The following URI1 variants were observed in gnomAD, a reference collection of about 807,000 sequenced individuals.
URI1 encodes the protein unconventional prefoldin RPB5 interactor 1.
URI1 carries 39 observed loss-of-function variants against 60.2 expected under a neutral mutation model. That is an observed-to-expected ratio of 0.65 (90% CI 0.50 to 0.85). URI1 has a LOEUF of 0.85. URI1 is among the 40% of genes least tolerant of loss of function. URI1 has a pLI of 0.00. For missense variants in URI1, 691 were observed against 665.9 expected (o/e 1.04, Z -0.42); for synonymous variants, 251 against 236.8 (o/e 1.06, Z -0.55).
chr19:29,957,477 A>G lies in URI1; in HGVS notation c.118-13716A>G, dbSNP rs538452081. On this transcript the variant is annotated intron_variant, in intron 1 of 10. Coordinates refer to ENST00000392271, the MANE Select transcript of URI1 (RefSeq NM_003796.3). ...TATTTGTGTGTAGCTCTGTTTCTCT[A>G]TTCTGTTCCATTGGATTATTTGCCT... is the stretch of plus-strand genomic sequence containing the variant. 3.2e-3 allele frequency among the ~76,000 whole-genome samples: 481 copies of G among 152,034 alleles called. 1 individual carries two copies. The highest frequency in any genetic ancestry group is 0.011 in the African/African-American group (467 of 41,458).
intron 2 of URI1, among the ~76,000 whole-genome samples, chr19:29,983,061 C>A (rs1568429848): frequency 6.6e-6 from 1 of 152,028 alleles, no homozygotes; most frequent in African/African-American, 2.4e-5. Flanking sequence ...GCCATTTTAT[C>A]CATATAAAAA....
chr19:29,936,295 G>T (rs1378695565), intron 1 of URI1, among the ~76,000 whole-genome samples: 2 of 151,888 alleles, frequency 1.3e-5, no homozygotes, highest in Non-Finnish European at 2.9e-5. Flanking sequence ...GTAGAATGGG[G>T]TTTCGCCATA....
chr19:29,994,211 A>C (rs753172274), intron 4 of URI1, among the ~76,000 whole-genome samples: 1 of 152,122 alleles, frequency 6.6e-6, no homozygotes, highest in South Asian at 2.1e-4. Context: ...TGCCAACCCA[A>C]TGTGTTTGCA....
In URI1 at chr19:29,985,230, G is replaced by A; in HGVS notation, c.160G>A (p.Val54Ile). ...CQERIQHWKK[V>I]DNDYNALRER... Reference sequence around the variant, plus strand: ...GGTGTTTTCTGTCAACAGGAAGAAGGTAGATAATGACTATAATGCCCTTCG... The same window carrying A: ...GGTGTTTTCTGTCAACAGGAAGAAGATAGATAATGACTATAATGCCCTTCG... Residue 54 changes from valine to isoleucine, a missense_variant, in exon 3 of 11, where the codon GTA becomes ATA. By Grantham distance (29) the Val-to-Ile change is conservative (BLOSUM62 3). Transcript: ENST00000392271. The A allele has an allele frequency of 6.4e-7, 1 of 1,565,092 alleles. No individual in the cohort carries two copies. The highest frequency in any genetic ancestry group is 8.7e-7 in the Non-Finnish European group (1 of 1,151,576).
chr19:29,984,865 T>C (rs2055643055), intron 2 of URI1, among the ~76,000 whole-genome samples: 1 of 151,940 alleles, frequency 6.6e-6, no homozygotes, highest in Non-Finnish European at 1.5e-5. Context: ...CTCACGCCTG[T>C]AACTCTAGCA....
At chr19:29,950,335 T>C (rs553283472) in intron 1 of URI1, among the ~76,000 whole-genome samples, 19 of 152,352 alleles carry the variant, frequency 1.2e-4, no homozygotes, top group African/African-American at 4.6e-4. Flanking sequence ...TTACCTGTTG[T>C]TATCATTTTT....
chr19:30,014,741 A>G (rs1171260889), intron 10 of URI1, 146 bp from the exon 11 acceptor site: 1 of 642,992 alleles, frequency 1.6e-6, no homozygotes, highest in Non-Finnish European at 2.6e-6. Flanking sequence ...TCTCTGAACA[A>G]TTAGTATTTT....
chr19:29,926,291 C>CCTACCT (rs1491264929), intron 1 of URI1, among the ~76,000 whole-genome samples: 5,955 of 126,068 alleles, frequency 0.047, 149 homozygotes, highest in East Asian at 0.15. Flanking sequence ...TTCCTACCTT[C>CCTACCT]TTTCCTTCAA....
intron 8 of URI1, 71 bp downstream of exon 8, chr19:30,009,424 G>C: frequency 1.5e-6 from 2 of 1,346,500 alleles, no homozygotes; most frequent in South Asian, 2.7e-5. Flanking sequence ...TTTTTTAGAA[G>C]AGCAATATTA....
At chr19:30,009,925 T>G (rs2055996757) in intron 8 of URI1, among the ~76,000 whole-genome samples, 1 of 152,152 alleles carries the variant, frequency 6.6e-6, no homozygotes, top group Non-Finnish European at 1.5e-5. Flanking sequence ...AAAGCTTTTC[T>G]CTAGTATGAA....
intron 1 of URI1, among the ~76,000 whole-genome samples, chr19:29,944,144 T>C (rs1342378794): frequency 9.2e-5 from 2 of 21,742 alleles, no homozygotes; most frequent in Non-Finnish European, 1.5e-4. Context: ...GTCATTCATA[T>C]ATATATATAT....
intron 1 of URI1, among the ~76,000 whole-genome samples, chr19:29,950,262 G>T (rs975778147): frequency 2.6e-5 from 4 of 152,048 alleles, no homozygotes; most frequent in Non-Finnish European, 5.9e-5. Context: ...CCAAAACACT[G>T]GGGGGAAAGG....
chr19:29,964,952 GCAAGT>G (rs1364872079), intron 1 of URI1, among the ~76,000 whole-genome samples: 2 of 151,518 alleles, frequency 1.3e-5, no homozygotes, highest in Non-Finnish European at 1.5e-5. Flanking sequence ...AACCTGTGTG[GCAAGT>G]TTGCTACTCT....
intron 1 of URI1, among the ~76,000 whole-genome samples, chr19:29,925,050 G>A (rs1005362399): frequency 3.5e-4 from 53 of 152,154 alleles, no homozygotes; most frequent in Admixed American, 3.5e-3. Flanking sequence ...TGGCCAGGCT[G>A]GTCTCGAACT....
intron 2 of URI1, among the ~76,000 whole-genome samples, chr19:29,979,326 C>T (rs1181487669): frequency 6.6e-6 from 1 of 152,076 alleles, no homozygotes; most frequent in Non-Finnish European, 1.5e-5. Flanking sequence ...TAACTAGGCA[C>T]TTTAGGATAT....
At chr19:29,940,665 C>T (rs1445818338), upstream of URI1, among the ~76,000 whole-genome samples, 1 of 152,042 alleles carries the variant, frequency 6.6e-6, no homozygotes, top group Non-Finnish European at 1.5e-5. Context: ...CAGAAGCCTC[C>T]AGGAAGTCTC....
chr19:29,934,582 C>T (rs886205245), intron 1 of URI1, among the ~76,000 whole-genome samples: 4 of 152,188 alleles, frequency 2.6e-5, no homozygotes, highest in Admixed American at 2.6e-4. Context: ...GTAGCCCAGG[C>T]TGTAGTGCAG....
At chr19:29,984,782 A>G (rs1261329322) in intron 2 of URI1, among the ~76,000 whole-genome samples, 1 of 152,146 alleles carries the variant, frequency 6.6e-6, no homozygotes, top group Non-Finnish European at 1.5e-5. Context: ...TGCTGGGATT[A>G]CAGGCGTGAG....
rs71333427 is a variant in URI1 at position 29,980,612 on chromosome 19, T to TAAAA, written c.153-4587_153-4584dup. Among the ~76,000 whole-genome samples, 197 of 73,838 alleles carry TAAAA rather than the reference T, an allele frequency of 2.7e-3. 33 individuals carry two copies. Among genetic ancestry groups the TAAAA allele is most frequent in the South Asian group, 5.6e-3 (8 of 1,426 alleles). The allele number at this position is 73,838 out of a possible 152,430, so 48.4% of individuals were successfully genotyped here. On this transcript the variant is annotated intron_variant, in intron 2 of 10. Transcript: ENST00000392271. ...GAGAGTGATAGAAGATTTTTTTTCT[T>TAAAA]AAAAAAAAAAAAAAAAAAAAAAAAA...
Sources: allele counts gnomAD v4.1 joint callset (sites outside exome capture counted in the v4.1 genomes callset), GRCh38; gene constraint gnomAD v4.1.1; transcripts MANE v1.5; gene names NCBI Gene and HGNC (gene_info 2026-07-23, HGNC 2026-07-21).